Variants in WDR64 observed in about 807,000 individuals in gnomAD.
WDR64 encodes the protein WD repeat domain 64.
Under a neutral mutation model 139.3 loss-of-function variants are expected in WDR64, and 112 were observed. The ratio of observed to expected loss-of-function variants is 0.80; its 90% CI spans 0.69 to 0.94. The LOEUF is 0.94. WDR64 is among the 40% of genes least tolerant of loss of function. The pLI is 0.00. For synonymous variants in WDR64, 444 were observed against 437.7 expected (o/e 1.01, Z -0.18); for missense variants, 1,206 against 1,293.1 (o/e 0.93, Z 1.03).
chr1:241,711,074 T>A (rs1230058269), intron 8 of WDR64, among the ~76,000 whole-genome samples: 1 of 152,002 alleles, frequency 6.6e-6, no homozygotes, highest in Non-Finnish European at 1.5e-5. Flanking sequence ...CTATCTCTGC[T>A]AAAAATACAA....
chr1:241,722,059 A>G (rs1277706867), intron 9 of WDR64, among the ~76,000 whole-genome samples: 1 of 152,016 alleles, frequency 6.6e-6, no homozygotes, highest in East Asian at 1.9e-4. Flanking sequence ...ATGATAATAC[A>G]TTCTTGGTTC....
chr1:241,757,324 G>A lies in WDR64; in HGVS notation c.1812G>A (p.Leu604=). 6.2e-7 allele frequency: 1 copy of A among 1,614,024 alleles called. No homozygotes were observed. Among genetic ancestry groups the A allele is most frequent in the Non-Finnish European group, 8.5e-7 (1 of 1,179,970 alleles). ...TCTACCTCATGGTGATCTGGGAGCT[G>A]CCTGATGTTGTGCCTTTCCTACAAG... ...DDIYLMVIWE[L]PDVVPFLQDG... Residue 604 remains leucine, a synonymous_variant, in exon 15 of 28, where the codon CTG becomes CTA. Transcript: ENST00000437684.
Position 241,711,236 on chromosome 1 carries a change from C to CAAA in WDR64, c.975-552_975-550dup, listed in dbSNP as rs34264828. The stretch of plus-strand genomic sequence containing the variant: ...TGGGTGACAAAACGAGACCTTGTCT[C>CAAA]AAAAAAAAAAAAAAAATAGTAGAAG... On this transcript the variant is annotated intron_variant, in intron 8 of 27. Coordinates refer to ENST00000437684, the MANE Select transcript of WDR64 (RefSeq NM_001367482.1). Among the ~76,000 whole-genome samples the CAAA allele has an allele frequency of 5.1e-3, 712 of 139,232 alleles. 6 individuals are homozygous for CAAA. The highest frequency in any genetic ancestry group is 0.022 in the Middle Eastern group (6 of 268). 91.3% of individuals were successfully genotyped at this position (139,232 alleles called of 152,430 possible).
intron 8 of WDR64, among the ~76,000 whole-genome samples, chr1:241,692,973 T>C (rs982346285): frequency 6.6e-6 from 1 of 152,266 alleles, no homozygotes; most frequent in Non-Finnish European, 1.5e-5. Flanking sequence ...GAATGCAAAA[T>C]GGTGCAGTGA....
intron 23 of WDR64, among the ~76,000 whole-genome samples, chr1:241,783,850 C>G (rs1228699389): frequency 1.3e-5 from 2 of 151,864 alleles, no homozygotes; most frequent in East Asian, 3.9e-4. Context: ...ATGCTAAGTA[C>G]CTATACACAA....
chr1:241,802,717 A>G lies in WDR64; in HGVS notation c.*1502A>G, dbSNP rs533817062. ...TGTGTTAGAGCATATCTAAAACCACATTAATTATGGAATCTAGGTGGTAGG... is the reference window on the plus strand; with the variant it reads ...TGTGTTAGAGCATATCTAAAACCACGTTAATTATGGAATCTAGGTGGTAGG... On this transcript the variant is annotated 3_prime_UTR_variant, in exon 28 of 28. Coordinates refer to ENST00000437684, the MANE Select transcript of WDR64 (RefSeq NM_001367482.1). Among the ~76,000 whole-genome samples the G allele has an allele frequency of 6.6e-6, 1 of 152,304 alleles. No homozygotes were observed. Among genetic ancestry groups the G allele is most frequent in the African/African-American group, 2.4e-5 (1 of 41,582 alleles).
At chr1:241,796,937 A>T (rs2334876) in intron 27 of WDR64, among the ~76,000 whole-genome samples, 79,788 of 152,062 alleles carry the variant, frequency 0.52, 23,084 homozygotes, top group Middle Eastern at 0.69. Flanking sequence ...GACCTTTATG[A>T]CTGAAATTCA....
intron 10 of WDR64, among the ~76,000 whole-genome samples, chr1:241,729,203 G>T (rs996885931): frequency 6.6e-6 from 1 of 152,100 alleles, no homozygotes; most frequent in Non-Finnish European, 1.5e-5. Flanking sequence ...TGTGTCTCCT[G>T]TAAATTACCT....
rs76859108 is a variant in WDR64, at chr1:241,703,031, T to C, written c.975-8771T>C. Among the ~76,000 whole-genome samples, 27 of 152,308 alleles carry C rather than the reference T, an allele frequency of 1.8e-4. No homozygotes were observed. The East Asian group carries it at 5.0e-3, about 28-fold the overall frequency. ...AATATGGATCAATAAGAGGCAGTAA[T>C]ACAGAGTTAGGGCCACTTTTTAAAA... On this transcript the variant is annotated intron_variant, in intron 8 of 27. Transcript: ENST00000437684. The surrounding 1 kb of genome is among the most constrained non-coding windows in gnomAD (Gnocchi z 5.9).
In WDR64 at chr1:241,788,027, C is replaced by A. The variant is rs12074374; in HGVS notation, c.2884C>A (p.Arg962=). ...ATATGAATATCCTCTGATATTTGAC[C>A]GGGAAAAGTAAGACCATTAGCTCTT... is the stretch of plus-strand genomic sequence containing the variant. ...QKYEYPLIFD[R]EKWRKMSSVS... Residue 962 remains arginine (R), a synonymous_variant, in exon 24 of 28, where the codon CGG becomes AGG. Transcript: ENST00000437684. 3.7e-5 allele frequency: 59 copies of A among 1,584,902 alleles called. No individual in the cohort carries two copies. Among genetic ancestry groups the A allele is most frequent in the Non-Finnish European group, 5.0e-5 (58 of 1,168,934 alleles).
chr1:241,679,386 A>G, intron 5 of WDR64, 99 bp from the exon 6 acceptor site: 1 of 1,013,244 alleles, frequency 9.9e-7, no homozygotes, highest in Non-Finnish European at 1.5e-6. Flanking sequence ...TAAGGCAGCA[A>G]AATGGAGCTT....
chr1:241,796,492 C>CTTTTTTTTTTTTTTTTTTTTTTTT (rs5782206), intron 27 of WDR64, 122 bp downstream of exon 27: 1 of 484,726 alleles, frequency 2.1e-6, no homozygotes, highest in Non-Finnish European at 3.4e-6. Flanking sequence ...TCAGTTCATA[C>CTTTTTTTTTTTTTTTTTTTTTTTT]TTTTTTTTTT....
chr1:241,757,732 C>T (rs893753704), intron 15 of WDR64, among the ~76,000 whole-genome samples: 1 of 149,902 alleles, frequency 6.7e-6, no homozygotes, highest in Non-Finnish European at 1.5e-5. Flanking sequence ...GACCCTCCTG[C>T]CTCAGCCCCC....
chr1:241,781,023 C>G (rs548534748), intron 22 of WDR64, among the ~76,000 whole-genome samples: 4 of 152,144 alleles, frequency 2.6e-5, no homozygotes, highest in African/African-American at 4.8e-5. Context: ...TGAACAAAAA[C>G]AAACCGTATG....
chr1:241,714,339 A>G (rs1668317988), intron 9 of WDR64, among the ~76,000 whole-genome samples: 2 of 152,220 alleles, frequency 1.3e-5, no homozygotes, highest in South Asian at 4.1e-4. Context: ...AAATCAATAA[A>G]TACATCATTG....
At chr1:241,677,955 A>G (rs553221411) in intron 4 of WDR64, among the ~76,000 whole-genome samples, 19 of 152,360 alleles carry the variant, frequency 1.2e-4, no homozygotes, top group African/African-American at 4.1e-4. Flanking sequence ...TTAACAGCAC[A>G]GTCACCAGGT....
chr1:241,757,057 T>C (rs545326032), intron 14 of WDR64, among the ~76,000 whole-genome samples: 79 of 152,300 alleles, frequency 5.2e-4, no homozygotes, highest in African/African-American at 1.5e-3. Context: ...TATGTATATG[T>C]AGAAATATTA....
At chr1:241,778,639 T>C (rs1166463661) in intron 21 of WDR64, among the ~76,000 whole-genome samples, 3 of 152,222 alleles carry the variant, frequency 2.0e-5, no homozygotes, top group Non-Finnish European at 2.9e-5. Flanking sequence ...TTTGTGTGAT[T>C]CTATCTTCTC....
intron 18 of WDR64, 58 bp from the exon 19 acceptor site, chr1:241,771,603 A>G: frequency 7.8e-7 from 1 of 1,289,098 alleles, no homozygotes; most frequent in South Asian, 1.7e-5. Flanking sequence ...ATCACCCAGT[A>G]TATCTCATTT....
Sources: allele counts gnomAD v4.1 joint callset (sites outside exome capture counted in the v4.1 genomes callset), GRCh38; gene constraint gnomAD v4.1.1; non-coding constraint Gnocchi (gnomAD v3.1); transcripts MANE v1.5; gene names NCBI Gene and HGNC (gene_info 2026-07-23, HGNC 2026-07-21).